The following NBAS variants were observed in gnomAD, a reference collection of about 807,000 sequenced individuals.
NBAS encodes NBAS subunit of NRZ tethering complex.
A neutral mutation model predicts 302.5 loss-of-function variants in NBAS; 219 were observed. The observed-to-expected ratio is 0.72, with a 90% CI of 0.65 to 0.81. The LOEUF is 0.81. Among genes scored for constraint, NBAS ranks in the 30% least tolerant of loss-of-function variants. The probability of loss-of-function intolerance (pLI) is 0.00; values close to 1 mark genes in which losing one functional copy is unlikely to be tolerated. For synonymous variants in NBAS, 1,118 were observed against 1,021.6 expected, an observed-to-expected ratio of 1.09 and a Z score of -1.80; for missense variants, 2,932 against 2,841.6, an observed-to-expected ratio of 1.03 and a Z score of -0.72.
At chr2:15,321,419 T>C (rs1439036008) in intron 38 of NBAS, among the ~76,000 whole-genome samples, 1 of 152,130 alleles carries the variant, frequency 6.6e-6, no homozygotes, top group African/African-American at 2.4e-5. Context: ...CTAAAGACCT[T>C]CTGCATGGCA....
At chr2:15,430,755 C>T (rs1197809019) in intron 21 of NBAS, among the ~76,000 whole-genome samples, 1 of 152,120 alleles carries the variant, frequency 6.6e-6, no homozygotes, top group Non-Finnish European at 1.5e-5. Context: ...ACCATTCCCC[C>T]TCCATGCATC....
intron 11 of NBAS, among the ~76,000 whole-genome samples, chr2:15,489,957 C>A (rs993724323): frequency 6.6e-6 from 1 of 152,176 alleles, no homozygotes; most frequent in South Asian, 2.1e-4. Flanking sequence ...CATATCTCTT[C>A]TGAACATTTA....
At chr2:15,396,227 T>C (rs1026348979) in intron 27 of NBAS, among the ~76,000 whole-genome samples, 186 bp downstream of exon 27, 2 of 152,166 alleles carry the variant, frequency 1.3e-5, no homozygotes, top group Non-Finnish European at 2.9e-5. Flanking sequence ...ACCATGTTAT[T>C]ATTCTATTAC....
chr2:15,078,331 A>G, the NBAS span, among the ~76,000 whole-genome samples: 1 of 152,204 alleles, frequency 6.6e-6, no homozygotes, highest in Non-Finnish European at 1.5e-5. Flanking sequence ...CATAATGGGC[A>G]TATCAATAAA....
At chr2:15,003,686 A>C in the NBAS span, among the ~76,000 whole-genome samples, 1 of 152,204 alleles carries the variant, frequency 6.6e-6, no homozygotes, top group African/African-American at 2.4e-5. Context: ...AGCCCAGCCA[A>C]GAGATCTCTG....
chr2:15,407,844 G>A (rs1237347668), intron 25 of NBAS, among the ~76,000 whole-genome samples: 3 of 152,208 alleles, frequency 2.0e-5, no homozygotes, highest in Non-Finnish European at 4.4e-5. Flanking sequence ...AAATGGACCT[G>A]ACTGAGCTAA....
At chr2:14,991,963 T>C in the NBAS span, among the ~76,000 whole-genome samples, 1 of 151,976 alleles carries the variant, frequency 6.6e-6, no homozygotes, top group Non-Finnish European at 1.5e-5. Flanking sequence ...GCTCTGGAGG[T>C]TACGGAGGAG....
intron 47 of NBAS, among the ~76,000 whole-genome samples, chr2:15,219,289 G>C (rs1666808449): frequency 6.6e-6 from 1 of 150,534 alleles, no homozygotes; most frequent in African/African-American, 2.4e-5. Context: ...ATAGTGCAAG[G>C]CTGCATTCTA....
chr2:15,268,562 C>T (rs1669178016), intron 44 of NBAS, among the ~76,000 whole-genome samples: 1 of 152,178 alleles, frequency 6.6e-6, no homozygotes, highest in South Asian at 2.1e-4. Context: ...ACATGTGGCA[C>T]ACATGATAGT....
chr2:15,068,527 G>A, the NBAS span, among the ~76,000 whole-genome samples: 272 of 152,352 alleles, frequency 1.8e-3, 4 homozygotes, highest in African/African-American at 6.2e-3. Context: ...TCACAATGCA[G>A]GCTTGAAGCT....
the NBAS span, among the ~76,000 whole-genome samples, chr2:15,130,876 C>T: frequency 0.041 from 6,293 of 152,252 alleles, 169 homozygotes; most frequent in South Asian, 0.11. Flanking sequence ...CACAGTGGTA[C>T]GTGTCTCCAT....
intron 3 of NBAS, among the ~76,000 whole-genome samples, chr2:15,555,805 G>T (rs1345474958): frequency 3.9e-5 from 6 of 152,118 alleles, no homozygotes; most frequent in Non-Finnish European, 7.4e-5. Flanking sequence ...AGAGGACAGG[G>T]CTTGTAGCAG....
chr2:15,044,792 C>T, the NBAS span, among the ~76,000 whole-genome samples: 2 of 152,220 alleles, frequency 1.3e-5, no homozygotes, highest in African/African-American at 4.8e-5. Context: ...GTTACCCTAG[C>T]TTTCATGCCT....
intron 51 of NBAS, among the ~76,000 whole-genome samples, chr2:15,176,098 A>T (rs1664524537): frequency 6.6e-6 from 1 of 152,222 alleles, no homozygotes; most frequent in African/African-American, 2.4e-5. Context: ...AAATAAAAGC[A>T]ACAAAAAGAA....
At chr2:15,556,851 T>C in intron 2 of NBAS, 32 bp from the exon 3 acceptor site, 1 of 1,537,044 alleles carries the variant, frequency 6.5e-7, no homozygotes. Context: ...AAGCCAAATA[T>C]AAATCAGCTG....
At chr2:14,960,966 A>G in the NBAS span, among the ~76,000 whole-genome samples, 2 of 152,252 alleles carry the variant, frequency 1.3e-5, no homozygotes, top group Admixed American at 1.3e-4. Context: ...AGTCACCCTG[A>G]CAGCAGCAGA....
intron 19 of NBAS, among the ~76,000 whole-genome samples, chr2:15,462,838 G>A (rs11676115): frequency 0.61 from 91,916 of 151,920 alleles, 28,790 homozygotes; most frequent in Non-Finnish European, 0.68. Flanking sequence ...GTTTGAAAGA[G>A]CCTTGAGGAA....
chr2:15,075,949 G>A, the NBAS span, among the ~76,000 whole-genome samples: 146 of 152,264 alleles, frequency 9.6e-4, 2 homozygotes, highest in Admixed American at 2.7e-3. Flanking sequence ...AAATGAACAC[G>A]TTTTTACTTT....
At position 15,189,778 on chromosome 2, in the gene NBAS, T is replaced by C. The variant is rs1217517548; in HGVS notation, c.6572+486A>G. ...CTTATTAGCCGTGTGAAGCCTGAAG[T>C]TGTTTAACTCCTGAGCCTCAATTCC... On this transcript the variant is annotated intron_variant, in intron 49 of 51. Transcript: ENST00000281513. 2.6e-5 allele frequency among the ~76,000 whole-genome samples: 4 copies of C among 152,186 alleles called. No homozygotes were observed. The East Asian group carries it at 5.8e-4, about 22-fold the overall frequency.
Sources: allele counts gnomAD v4.1 joint callset (sites outside exome capture counted in the v4.1 genomes callset), GRCh38; gene constraint gnomAD v4.1.1; transcripts MANE v1.5; gene names NCBI Gene and HGNC (gene_info 2026-07-23, HGNC 2026-07-21).